Variants in ITPKA observed in about 807,000 individuals in gnomAD.
The protein encoded by ITPKA is inositol-trisphosphate 3-kinase A, also known as IP3 3-kinase A.
A neutral mutation model predicts 40.7 loss-of-function variants in ITPKA; 16 were observed. The ratio of observed to expected loss-of-function variants is 0.39; its 90% CI spans 0.27 to 0.60. The LOEUF is 0.60. Ranked by LOEUF, ITPKA falls within the 20% of genes least tolerant of loss-of-function variation. The probability of loss-of-function intolerance (pLI) is 0.50; values close to 1 mark genes in which losing one functional copy is unlikely to be tolerated. For missense variants in ITPKA, 540 were observed against 649.3 expected (o/e 0.83, Z 1.83); for synonymous variants, 313 against 289.9 (o/e 1.08, Z -0.81).
Position 41,493,894 on chromosome 15 carries a change from C to G in ITPKA, c.-34C>G, listed in dbSNP as rs1290361254. 51 of 999,652 alleles carry G rather than the reference C, an allele frequency of 5.1e-5. No individual in the cohort carries two copies. The highest frequency in any genetic ancestry group is 5.7e-5 in the Non-Finnish European group (48 of 840,604). 61.9% of individuals were successfully genotyped at this position (999,652 alleles called of 1,614,324 possible). A position where few individuals can be genotyped will look rare whatever the true frequency, so the allele number is the denominator to read the frequency against. On this transcript the variant is annotated 5_prime_UTR_variant, in exon 1 of 7. Coordinates refer to ENST00000260386, the MANE Select transcript of ITPKA (RefSeq NM_002220.3). ...GCTCCAGTCCCCGGCGCGCCGCGGG[C>G]TGGTGGGCTCAGCGGCGGCGCCGGC...
At position 41,497,631 on chromosome 15, in the gene ITPKA, T is replaced by C. The variant is rs191278642; in HGVS notation, c.489+3215T>C. ...CATGACACTTGCACAACTCCTGCCA[T>C]GCTTGGCCATACCCATTACTGGCAG... On this transcript the variant is annotated intron_variant, in intron 1 of 6. Transcript: ENST00000260386. 1.5e-3 allele frequency among the ~76,000 whole-genome samples: 225 copies of C among 152,326 alleles called. 2 individuals carry two copies. Among genetic ancestry groups the C allele is most frequent in the African/African-American group, 5.1e-3 (210 of 41,570 alleles).
intron 1 of ITPKA, among the ~76,000 whole-genome samples, chr15:41,497,837 T>C (rs1411963636): frequency 2.0e-5 from 3 of 151,658 alleles, no homozygotes; most frequent in Non-Finnish European, 4.4e-5. Context: ...CTGGGCAACA[T>C]AGCAAAATCC....
Position 41,494,461 on chromosome 15 carries a change from A to T in ITPKA, c.489+45A>T. The T allele has an allele frequency of 1.5e-6, 2 of 1,301,162 alleles. No homozygotes were observed. 80.6% of individuals were successfully genotyped at this position (1,301,162 alleles called of 1,614,324 possible). On this transcript the variant is annotated intron_variant, in intron 1 of 6. Transcript: ENST00000260386. The surrounding 1 kb of genome is among the most constrained non-coding windows in gnomAD (Gnocchi z 7.8). ...GGCCAGCGCCGGGCGCGGGGGCTGC[A>T]CGGGGGACCTGGCTGGGTGCTCCCG...
chr15:41,501,255 G>A (rs2051107781), intron 1 of ITPKA: 3 of 938,990 alleles, frequency 3.2e-6, no homozygotes, highest in East Asian at 1.2e-4. Flanking sequence ...CACTGGAGAC[G>A]CTGGAATCAC....
In ITPKA at chr15:41,502,110, C is replaced by A; in HGVS notation, c.917C>A (p.Ala306Glu). Reference sequence around the variant, plus strand: ...GAAGCTCCCACGGAGGAGGAGCACGCGCAGCGCGCCGTCACCAAGCCGCGC... The same window carrying A: ...GAAGCTCCCACGGAGGAGGAGCACGAGCAGCGCGCCGTCACCAAGCCGCGC... ...DPEAPTEEEHAQRAVTKPRYM... is the reference protein window; with the variant it reads ...DPEAPTEEEHEQRAVTKPRYM... Residue 306 changes from alanine to glutamate, a missense_variant, in exon 4 of 7, where the codon GCG becomes GAG. Ala to Glu is a moderately radical substitution (Grantham distance 107). Coordinates refer to ENST00000260386, the MANE Select transcript of ITPKA (RefSeq NM_002220.3). The A allele has an allele frequency of 1.2e-6, 2 of 1,611,438 alleles. No homozygotes were observed. The highest frequency in any genetic ancestry group is 8.5e-7 in the Non-Finnish European group (1 of 1,179,356).
In ITPKA at chr15:41,503,053, G is replaced by T; in HGVS notation, c.1273G>T (p.Asp425Tyr). ...IDFGKTTPLP[D>Y]GQILDHRRPW... ...CTTCGGCAAGACCACGCCCCTCCCCGATGGCCAGATCCTGGACCACCGGCG... is the reference window on the plus strand; with the variant it reads ...CTTCGGCAAGACCACGCCCCTCCCCTATGGCCAGATCCTGGACCACCGGCG... Residue 425 changes from aspartate (D) to tyrosine (Y), a missense_variant, in exon 7 of 7, where the codon GAT (aspartate) becomes TAT (tyrosine). By Grantham distance (160) the Asp-to-Tyr change is radical. Transcript: ENST00000260386. The T allele has an allele frequency of 1.9e-6, 3 of 1,610,068 alleles. No individual in the cohort carries two copies. The highest frequency in any genetic ancestry group is 2.5e-6 in the Non-Finnish European group (3 of 1,177,450).
In ITPKA at chr15:41,495,795, C is replaced by T. The variant is rs540492614; in HGVS notation, c.489+1379C>T. Among the ~76,000 whole-genome samples the T allele has an allele frequency of 5.9e-5, 9 of 152,388 alleles. 1 individual carries two copies. In the South Asian group the frequency reaches 1.4e-3, roughly 25 times the overall value. ...CTCCCGGGGCGCGGAAGCTCTGACA[C>T]CTGAGAGCCGGTGCAGGCGAAAGGG... On this transcript the variant is annotated intron_variant, in intron 1 of 6. Coordinates refer to ENST00000260386, the MANE Select transcript of ITPKA (RefSeq NM_002220.3).
intron 1 of ITPKA, among the ~76,000 whole-genome samples, chr15:41,497,261 C>T (rs1280476629): frequency 6.6e-6 from 1 of 152,200 alleles, no homozygotes; most frequent in African/African-American, 2.4e-5. Context: ...GTGTGTTAGT[C>T]TCCCAGAGAG....
At chr15:41,500,619 G>A (rs948078379) in intron 1 of ITPKA, among the ~76,000 whole-genome samples, 5 of 152,178 alleles carry the variant, frequency 3.3e-5, no homozygotes, top group African/African-American at 1.2e-4. Flanking sequence ...AACCCAGTAA[G>A]GATAGTTATT....
intron 1 of ITPKA, among the ~76,000 whole-genome samples, chr15:41,496,054 C>T (rs990166591): frequency 1.3e-5 from 2 of 152,250 alleles, no homozygotes; most frequent in Non-Finnish European, 2.9e-5. Flanking sequence ...GGCTTCCAGG[C>T]CTTCCCCACC....
At chr15:41,495,403 G>T (rs1226635805) in intron 1 of ITPKA, among the ~76,000 whole-genome samples, 1 of 152,226 alleles carries the variant, frequency 6.6e-6, no homozygotes, top group African/African-American at 2.4e-5. Flanking sequence ...TCGGCGCGGC[G>T]GGGCGGGGAG....
chr15:41,501,427 A>G (rs762581374), intron 1 of ITPKA, 36 bp from the exon 2 acceptor site: 1 of 1,577,886 alleles, frequency 6.3e-7, no homozygotes. Flanking sequence ...CATTGCCGAG[A>G]CGCCGATTAT....
Position 41,502,868 on chromosome 15 carries a change from CGGCTGCCCGGGTGCCCG to C in ITPKA, c.1182+13_1182+29del. The stretch of plus-strand genomic sequence containing the variant: ...TCTTCAGGAGGCACGAGGTAAGCGG[CGGCTGCCCGGGTGCCCG>C]GGCCGCGAGGGCTAGGGCGGGAACC... On this transcript the variant is annotated intron_variant, in intron 6 of 6. Coordinates refer to ENST00000260386, the MANE Select transcript of ITPKA (RefSeq NM_002220.3). The C allele has an allele frequency of 6.2e-7, 1 of 1,611,370 alleles. No individual in the cohort carries two copies. The highest frequency in any genetic ancestry group is 8.5e-7 in the Non-Finnish European group (1 of 1,179,046).
In ITPKA at chr15:41,502,445, G is replaced by A; in HGVS notation, c.1052G>A (p.Ser351Asn). The A allele has an allele frequency of 6.2e-7, 1 of 1,604,620 alleles. No individual in the cohort carries two copies. The highest frequency in any genetic ancestry group is 8.5e-7 in the Non-Finnish European group (1 of 1,172,130). Residue 351 changes from serine (S) to asparagine (N), a missense_variant, in exon 5 of 7, where the codon AGC (serine) becomes AAC (asparagine). Transcript: ENST00000260386. ...SCSTDFKTTR[S>N]REQVLRVFEE... ...AGCACCGACTTCAAGACTACGCGAA[G>A]CCGAGAGCAGGTGCTTCGCGTCTTT...
chr15:41,497,879 C>T (rs554909294), intron 1 of ITPKA, among the ~76,000 whole-genome samples: 34 of 152,052 alleles, frequency 2.2e-4, no homozygotes, highest in African/African-American at 7.7e-4. Flanking sequence ...AAAAATGTCA[C>T]GGTGGCTCAC....
In ITPKA at chr15:41,494,360, A is replaced by C; in HGVS notation, c.433A>C (p.Ser145Arg). 6.6e-7 allele frequency: 1 copy of C among 1,509,512 alleles called. No homozygotes were observed. The highest frequency in any genetic ancestry group is 8.8e-7 in the Non-Finnish European group (1 of 1,134,074). The allele number at this position is 1,509,512 out of a possible 1,614,324, so 93.5% of individuals were successfully genotyped here. A position where few individuals can be genotyped will look rare whatever the true frequency, so the allele number is the denominator to read the frequency against. ...CTCGGAGGACGACCTGCTGAGCGACAGTGAGAGCCGGAGCCGCGGCAACGT... is the reference window on the plus strand; with the variant it reads ...CTCGGAGGACGACCTGCTGAGCGACCGTGAGAGCCGGAGCCGCGGCAACGT... ...EDSEDDLLSDSESRSRGNVQL... is the reference protein window; with the variant it reads ...EDSEDDLLSDRESRSRGNVQL... Residue 145 changes from serine (S) to arginine (R), a missense_variant, in exon 1 of 7, where the codon AGT (serine) becomes CGT (arginine). Coordinates refer to ENST00000260386, the MANE Select transcript of ITPKA (RefSeq NM_002220.3). This position sits in a 1 kb window ranked among gnomAD's most constrained non-coding sequence, Gnocchi z 7.8.
intron 1 of ITPKA, among the ~76,000 whole-genome samples, chr15:41,501,010 A>G (rs1020108328): frequency 1.2e-3 from 6 of 5,058 alleles, no homozygotes; most frequent in East Asian, 0.01. Context: ...CTCCATCTGA[A>G]AAAAAAAAAA....
intron 1 of ITPKA, among the ~76,000 whole-genome samples, chr15:41,498,400 C>G (rs1196721189): frequency 2.0e-5 from 3 of 151,880 alleles, no homozygotes; most frequent in Non-Finnish European, 4.4e-5. Flanking sequence ...TGCAGAAAAC[C>G]AAGGTCAAGA....
chr15:41,497,821 G>A (rs1170976892), intron 1 of ITPKA, among the ~76,000 whole-genome samples: 1 of 151,892 alleles, frequency 6.6e-6, no homozygotes, highest in African/African-American at 2.4e-5. Context: ...GGAGTTCGAG[G>A]CCAGCCTGGG....
Sources: allele counts gnomAD v4.1 joint callset (sites outside exome capture counted in the v4.1 genomes callset), GRCh38; gene constraint gnomAD v4.1.1; non-coding constraint Gnocchi (gnomAD v3.1); transcripts MANE v1.5; gene names NCBI Gene and HGNC (gene_info 2026-07-23, HGNC 2026-07-21).